PCSK5: variants seen among roughly 807,000 people sequenced by gnomAD.
PCSK5 encodes the protein prohormone convertase 5.
Under a neutral mutation model 233.2 loss-of-function variants are expected in PCSK5, and 129 were observed. That is an observed-to-expected ratio of 0.55 (90% CI 0.48 to 0.64). The LOEUF (loss-of-function observed/expected upper bound fraction) is 0.64. Ranked by LOEUF, PCSK5 falls within the 30% of genes least tolerant of loss-of-function variation. The probability of loss-of-function intolerance (pLI) is 0.00; values close to 1 mark genes in which losing one functional copy is unlikely to be tolerated. For missense variants in PCSK5, 2,076 were observed against 2,430.1 expected (o/e 0.85, Z 3.06); for synonymous variants, 825 against 879.2 (o/e 0.94, Z 1.09).
chr9:75,910,180 G>A (rs977479884), intron 1 of PCSK5, among the ~76,000 whole-genome samples: 9 of 152,208 alleles, frequency 5.9e-5, no homozygotes, highest in African/African-American at 1.7e-4. Flanking sequence ...AAGCTCAATA[G>A]TTTTCTCCTT....
At chr9:76,040,371 C>CTCTCTG (rs1829055194) in intron 5 of PCSK5, among the ~76,000 whole-genome samples, 2 of 62,342 alleles carry the variant, frequency 3.2e-5, no homozygotes, top group Admixed American at 1.9e-4. Flanking sequence ...CTCTCTCTCT[C>CTCTCTG]TCTCTCTCTC....
intron 2 of PCSK5, among the ~76,000 whole-genome samples, chr9:75,985,057 G>T (rs564444063): frequency 6.6e-6 from 1 of 152,032 alleles, no homozygotes; most frequent in Non-Finnish European, 1.5e-5. Flanking sequence ...AGGGATAAAT[G>T]GTAGAACAAA....
At chr9:76,172,915 T>C (rs1428386924) in intron 13 of PCSK5, among the ~76,000 whole-genome samples, 1 of 152,136 alleles carries the variant, frequency 6.6e-6, no homozygotes, top group African/African-American at 2.4e-5. Context: ...ATTGTACTGG[T>C]CCAATGTAAA....
At chr9:76,145,846 T>C (rs1470301928) in intron 10 of PCSK5, among the ~76,000 whole-genome samples, 5 of 152,208 alleles carry the variant, frequency 3.3e-5, no homozygotes, top group Non-Finnish European at 5.9e-5. Context: ...ATCTTTGTAT[T>C]GGTGCCAATG....
At chr9:76,303,980 C>T (rs183615277) in intron 28 of PCSK5, among the ~76,000 whole-genome samples, 16 of 152,108 alleles carry the variant, frequency 1.1e-4, no homozygotes, top group African/African-American at 2.7e-4. Context: ...AAGACCAGCC[C>T]GGGCAAAATG....
intron 28 of PCSK5, among the ~76,000 whole-genome samples, 182 bp from the exon 29 acceptor site, chr9:76,308,463 A>T (rs1403030361): frequency 1.3e-5 from 2 of 152,376 alleles, no homozygotes; most frequent in South Asian, 2.1e-4. Flanking sequence ...AAGAGAAAAA[A>T]AAATAAATGA....
chr9:76,011,758 G>T (rs1448019469), intron 3 of PCSK5, among the ~76,000 whole-genome samples: 2 of 152,078 alleles, frequency 1.3e-5, no homozygotes, highest in African/African-American at 4.8e-5. Flanking sequence ...CCTCAATTTT[G>T]CTCTGATTTG....
In PCSK5 at chr9:75,975,309, G is replaced by A. The variant is rs539169768; in HGVS notation, c.298-10823G>A. Reference sequence around the variant, plus strand: ...CAGTATGTGCAATGGAGCTGAATTAGTCACAAGGGAAGAGTGTTTCTCTCC... The same window carrying A: ...CAGTATGTGCAATGGAGCTGAATTAATCACAAGGGAAGAGTGTTTCTCTCC... On this transcript the variant is annotated intron_variant, in intron 2 of 37. Transcript: ENST00000674117. Among the ~76,000 whole-genome samples the A allele has an allele frequency of 2.6e-5, 4 of 152,072 alleles. No homozygotes were observed. The South Asian group carries it at 8.3e-4, about 32-fold the overall frequency.
At chr9:76,135,232 A>T (rs1564053047) in intron 10 of PCSK5, among the ~76,000 whole-genome samples, 1 of 152,050 alleles carries the variant, frequency 6.6e-6, no homozygotes. Context: ...CTTACATATG[A>T]TCTTTATATA....
At chr9:76,214,126 G>C (rs564840368) in intron 20 of PCSK5, among the ~76,000 whole-genome samples, 1 of 152,280 alleles carries the variant, frequency 6.6e-6, no homozygotes, top group African/African-American at 2.4e-5. Flanking sequence ...ACATTGGCTA[G>C]TTTTCTTGAT....
At chr9:75,891,842 C>T (rs1418400685) in intron 1 of PCSK5, among the ~76,000 whole-genome samples, 1 of 151,992 alleles carries the variant, frequency 6.6e-6, no homozygotes, top group Admixed American at 6.5e-5. Flanking sequence ...CTGAATTTAG[C>T]CCAGAAAGAA....
At chr9:76,110,739 A>G (rs1478056492) in intron 9 of PCSK5, among the ~76,000 whole-genome samples, 1 of 152,240 alleles carries the variant, frequency 6.6e-6, no homozygotes, top group Non-Finnish European at 1.5e-5. Flanking sequence ...AGTGGAATGA[A>G]ATACAAAACA....
intron 24 of PCSK5, among the ~76,000 whole-genome samples, chr9:76,252,314 G>A (rs987328578): frequency 1.3e-5 from 2 of 152,000 alleles, no homozygotes; most frequent in Non-Finnish European, 2.9e-5. Flanking sequence ...ATAAAGAAAG[G>A]CTTCTTTTCT....
At chr9:75,969,872 CTTTTTTT>C (rs35326945) in intron 2 of PCSK5, among the ~76,000 whole-genome samples, 1 of 138,440 alleles carries the variant, frequency 7.2e-6, no homozygotes, top group African/African-American at 2.7e-5. Flanking sequence ...TCCAGAAATC[CTTTTTTT>C]TTTTTTTTTT....
At chr9:75,941,476 A>G (rs1824300887) in intron 2 of PCSK5, among the ~76,000 whole-genome samples, 1 of 152,040 alleles carries the variant, frequency 6.6e-6, no homozygotes, top group Non-Finnish European at 1.5e-5. Context: ...AATGCACTGT[A>G]TTCTTCTGGA....
At chr9:76,227,673 T>TGCTAAGATGGTGAG in intron 21 of PCSK5, 68 bp downstream of exon 21, 1 of 987,168 alleles carries the variant, frequency 1.0e-6, no homozygotes, top group South Asian at 1.4e-5. Flanking sequence ...GAGGAGGTGC[T>TGCTAAGATGGTGAG]CACCATCTTA....
rs76995293 is a variant in PCSK5, at chr9:75,898,067, C to A, written c.192+6694C>A. On this transcript the variant is annotated intron_variant, in intron 1 of 37. Coordinates refer to ENST00000674117, the MANE Select transcript of PCSK5 (RefSeq NM_001372043.1). ...AACACTTTTTGTAATCAGACCTTACCTGATCTGCACTTTCTTCATGGCAAA... is the reference window on the plus strand; with the variant it reads ...AACACTTTTTGTAATCAGACCTTACATGATCTGCACTTTCTTCATGGCAAA... 1.0e-3 allele frequency among the ~76,000 whole-genome samples: 158 copies of A among 152,294 alleles called. 4 individuals carry two copies. In the East Asian group the frequency reaches 0.026, roughly 25 times the overall value.
intron 11 of PCSK5, among the ~76,000 whole-genome samples, chr9:76,157,904 G>C (rs965051637): frequency 1.3e-5 from 2 of 152,198 alleles, no homozygotes; most frequent in African/African-American, 2.4e-5. Context: ...CATGCCAAGG[G>C]CTAGACACTT....
In PCSK5 at chr9:76,338,347, C is replaced by T; in HGVS notation, c.4866C>T (p.Arg1622=). The change falls in exon 35 of 38, where the codon CGC becomes CGT. Residue 1622 remains arginine (R), a synonymous_variant. Coordinates refer to ENST00000674117, the MANE Select transcript of PCSK5 (RefSeq NM_001372043.1). ...GCGATAGATTTTTCTTTCTGCTCCGCTCCAAAGGAGAGTGTCATCGCTCCT... is the reference window on the plus strand; with the variant it reads ...GCGATAGATTTTTCTTTCTGCTCCGTTCCAAAGGAGAGTGTCATCGCTCCT... The part of the protein sequence containing the change: ...LSCDRFFFLL[R]SKGECHRSCP... 5 of 1,612,620 alleles carry T rather than the reference C, an allele frequency of 3.1e-6. No individual in the cohort carries two copies. Among genetic ancestry groups the T allele is most frequent in the East Asian group, 4.5e-5 (2 of 44,872 alleles).
Sources: gnomAD v4.1 joint callset for allele counts (sites outside exome capture counted in the v4.1 genomes callset) on GRCh38, gnomAD v4.1.1 for gene constraint, MANE v1.5 for transcripts, NCBI Gene and HGNC (gene_info 2026-07-23, HGNC 2026-07-21) for gene names.